TIAM1: variants seen among roughly 807,000 people sequenced by gnomAD.
TIAM1 encodes the protein rho guanine nucleotide exchange factor TIAM1.
Under a neutral mutation model 163.5 loss-of-function variants are expected in TIAM1, and 65 were observed. The ratio of observed to expected loss-of-function variants is 0.40; its 90% CI spans 0.33 to 0.49. The LOEUF is 0.49. Among genes scored for constraint, TIAM1 ranks in the 20% least tolerant of loss-of-function variants. The pLI is 0.77. For missense variants in TIAM1, 1,789 were observed against 2,044.7 expected (o/e 0.87, Z 2.41); for synonymous variants, 833 against 810.1 (o/e 1.03, Z -0.48).
At chr21:31,172,809 G>C (rs1490560544) in intron 15 of TIAM1, among the ~76,000 whole-genome samples, 1 of 151,950 alleles carries the variant, frequency 6.6e-6, no homozygotes, top group Non-Finnish European at 1.5e-5. Flanking sequence ...CAAGGCTGCA[G>C]TGAACCATGA....
chr21:31,225,515 T>C (rs531648508), intron 7 of TIAM1, among the ~76,000 whole-genome samples: 2 of 152,220 alleles, frequency 1.3e-5, no homozygotes, highest in East Asian at 3.9e-4. Flanking sequence ...TTTCATTCAA[T>C]GTAATATTGT....
chr21:31,414,704 A>G (rs2043313974), intron 2 of TIAM1, among the ~76,000 whole-genome samples: 1 of 152,230 alleles, frequency 6.6e-6, no homozygotes, highest in Non-Finnish European at 1.5e-5. Flanking sequence ...GACCCGAACC[A>G]TAGAAAAAAG....
chr21:31,120,531 C>G lies in TIAM1; in HGVS notation c.4613G>C (p.Arg1538Thr), dbSNP rs1227984960. 8 of 1,614,120 alleles carry G rather than the reference C, an allele frequency of 5.0e-6. No homozygotes were observed. The Admixed American group carries it at 1.3e-4, about 27-fold the overall frequency. ...GTGACTATCCAGGGTTTTCCGGCCT[C>G]TTTCCCGCTGACTGATGGAGGTGGC... ...LQATSISQRE[R>T]GRKTLDSHAS... Residue 1538 changes from arginine to threonine, a missense_variant, in exon 28 of 28, where the codon AGA becomes ACA. Arg to Thr is a moderately conservative substitution (Grantham distance 71, BLOSUM62 -1). Coordinates refer to ENST00000541036, the MANE Select transcript of TIAM1 (RefSeq NM_001353694.2). The surrounding 1 kb of genome is among the most constrained non-coding windows in gnomAD (Gnocchi z 4.2).
chr21:31,388,721 C>T (rs2076920331), intron 2 of TIAM1, among the ~76,000 whole-genome samples: 1 of 151,948 alleles, frequency 6.6e-6, no homozygotes, highest in Non-Finnish European at 1.5e-5. Flanking sequence ...TTAAGCCCTG[C>T]TGCTTATGTT....
At chr21:31,437,133 G>A (rs189286228) in intron 2 of TIAM1, among the ~76,000 whole-genome samples, 20 of 151,948 alleles carry the variant, frequency 1.3e-4, no homozygotes, top group East Asian at 5.8e-4. Flanking sequence ...ATAGGTTTCC[G>A]GTCTATTTTT....
chr21:31,381,033 A>T (rs1254224618), intron 2 of TIAM1, among the ~76,000 whole-genome samples: 1 of 152,254 alleles, frequency 6.6e-6, no homozygotes, highest in Non-Finnish European at 1.5e-5. Context: ...TAACTTTATA[A>T]GTAAATAAAT....
chr21:31,517,552 G>A (rs2047426311), intron 1 of TIAM1, among the ~76,000 whole-genome samples: 1 of 152,160 alleles, frequency 6.6e-6, no homozygotes, highest in Non-Finnish European at 1.5e-5. Context: ...ACACGCAGAA[G>A]AGGAAAAAGC....
At chr21:31,439,094 T>C (rs2044325607) in intron 2 of TIAM1, among the ~76,000 whole-genome samples, 1 of 152,164 alleles carries the variant, frequency 6.6e-6, no homozygotes, top group African/African-American at 2.4e-5. Flanking sequence ...CTATCGTTGA[T>C]TGGGGATGTC....
chr21:31,458,220 G>C (rs2045184760), intron 2 of TIAM1, among the ~76,000 whole-genome samples: 1 of 152,136 alleles, frequency 6.6e-6, no homozygotes, highest in African/African-American at 2.4e-5. Context: ...AGGAGTTCAA[G>C]ACCAGCCTAG....
At chr21:31,276,608 C>T (rs1169763939) in intron 3 of TIAM1, 124 bp downstream of exon 3, 1 of 152,128 alleles carries the variant, frequency 6.6e-6, no homozygotes, top group Admixed American at 6.5e-5. Context: ...GAAGTGATTC[C>T]AAATTCTTTT....
At chr21:31,417,272 T>C (rs1361920697) in intron 2 of TIAM1, among the ~76,000 whole-genome samples, 1 of 152,198 alleles carries the variant, frequency 6.6e-6, no homozygotes, top group Non-Finnish European at 1.5e-5. Flanking sequence ...TCTGCCCACC[T>C]TGGCCTCCCA....
At chr21:31,262,514 C>T (rs2072535743) in intron 4 of TIAM1, among the ~76,000 whole-genome samples, 1 of 152,228 alleles carries the variant, frequency 6.6e-6, no homozygotes, top group South Asian at 2.1e-4. Flanking sequence ...GCACAGCGCA[C>T]ATGTGGATGC....
intron 2 of TIAM1, among the ~76,000 whole-genome samples, chr21:31,378,117 CAA>C (rs1241656932): frequency 2.1e-5 from 2 of 93,358 alleles, no homozygotes; most frequent in East Asian, 6.6e-4. Context: ...GCCTGGGTAA[CAA>C]GAGCGAAACT....
At chr21:31,269,689 T>TTTTA (rs2072967590) in intron 3 of TIAM1, among the ~76,000 whole-genome samples, 1 of 130,182 alleles carries the variant, frequency 7.7e-6, no homozygotes, top group African/African-American at 3.1e-5. Context: ...TTTTTTTTTT[T>TTTTA]GAGACGGAGT....
At chr21:31,492,070 GTA>G (rs1054524494) in intron 1 of TIAM1, among the ~76,000 whole-genome samples, 4 of 152,176 alleles carry the variant, frequency 2.6e-5, no homozygotes, top group Admixed American at 6.5e-5. Context: ...TGTGATGTGT[GTA>G]TATATGTATG....
At chr21:31,161,853 C>T (rs1314848513) in intron 16 of TIAM1, among the ~76,000 whole-genome samples, 1 of 152,196 alleles carries the variant, frequency 6.6e-6, no homozygotes, top group Non-Finnish European at 1.5e-5. Context: ...AAAAGCTTCA[C>T]ACTTATATAG....
At chr21:31,505,133 AT>A (rs959139575) in intron 1 of TIAM1, among the ~76,000 whole-genome samples, 12 of 152,142 alleles carry the variant, frequency 7.9e-5, no homozygotes, top group Admixed American at 3.9e-4. Flanking sequence ...AACAAACCAG[AT>A]TCAATCACAA....
At position 31,141,231 on chromosome 21, in the gene TIAM1, T is replaced by C; in HGVS notation, c.3661A>G (p.Ile1221Val). The change falls in exon 22 of 28, where the codon ATC becomes GTC. Residue 1221 changes from isoleucine (I) to valine (V), a missense_variant. Transcript: ENST00000541036. This position sits in a 1 kb window ranked among gnomAD's most constrained non-coding sequence, Gnocchi z 4.7. ...SEEHYHLDVAIKTMNKVASHI... is the reference protein window; with the variant it reads ...SEEHYHLDVAVKTMNKVASHI... ...CTGGCAACCTTGTTCATGGTCTTGA[T>C]GGCCACTGGAAGAAAACAGGTTGTG... 3 of 1,614,128 alleles carry C rather than the reference T, an allele frequency of 1.9e-6. No homozygotes were observed. Among genetic ancestry groups the C allele is most frequent in the Non-Finnish European group, 1.7e-6 (2 of 1,180,022 alleles).
chr21:31,454,858 C>T (rs918982388), intron 2 of TIAM1, among the ~76,000 whole-genome samples: 5 of 152,230 alleles, frequency 3.3e-5, no homozygotes, highest in Admixed American at 3.3e-4. Context: ...CTGGGGACAG[C>T]GACTCCCCAA....
Sources: allele counts gnomAD v4.1 joint callset (sites outside exome capture counted in the v4.1 genomes callset), GRCh38; gene constraint gnomAD v4.1.1; non-coding constraint Gnocchi (gnomAD v3.1); transcripts MANE v1.5; gene names NCBI Gene and HGNC (gene_info 2026-07-23, HGNC 2026-07-21).